The following SEMA4D variants were observed in gnomAD, a reference collection of about 807,000 sequenced individuals.
The protein encoded by SEMA4D is semaphorin-4D.
A neutral mutation model predicts 74.8 loss-of-function variants in SEMA4D; 22 were observed. The ratio of observed to expected loss-of-function variants is 0.29; its 90% CI spans 0.21 to 0.42. SEMA4D has a LOEUF of 0.42. Ranked by LOEUF, SEMA4D falls within the 10% of genes least tolerant of loss-of-function variation. SEMA4D has a pLI of 1.00. For synonymous variants in SEMA4D, 445 were observed against 463.7 expected, an observed-to-expected ratio of 0.96 and a Z score of 0.52; for missense variants, 937 against 1,118.4, an observed-to-expected ratio of 0.84 and a Z score of 2.31.
chr9:89,404,984 T>C (rs1241599193), intron 3 of SEMA4D, among the ~76,000 whole-genome samples: 61 of 57,246 alleles, frequency 1.1e-3, no homozygotes, highest in Middle Eastern at 0.014. Flanking sequence ...CGTCCCGTCC[T>C]CAGCCACTCA....
downstream of SEMA4D, among the ~76,000 whole-genome samples, chr9:89,376,102 C>T (rs896209118): frequency 1.3e-5 from 2 of 152,228 alleles, no homozygotes; most frequent in East Asian, 1.9e-4. Context: ...CCTCCCAAAG[C>T]AGGGGGATTA....
intron 16 of SEMA4D, chr9:89,367,860 C>CA (rs1833925071): frequency 6.6e-6 from 1 of 152,332 alleles, no homozygotes; most frequent in African/African-American, 2.4e-5. Context: ...CTCCAGCACT[C>CA]AGCCTGTCAC....
At chr9:89,472,474 C>CG (rs926944387) in intron 1 of SEMA4D, 3 of 262,322 alleles carry the variant, frequency 1.1e-5, no homozygotes, top group African/African-American at 2.3e-5. Context: ...AGAAGCACCC[C>CG]CCTTTTGTAA....
At chr9:89,431,753 C>T (rs1849320692) in intron 2 of SEMA4D, among the ~76,000 whole-genome samples, 1 of 152,198 alleles carries the variant, frequency 6.6e-6, no homozygotes, top group Non-Finnish European at 1.5e-5. Flanking sequence ...CCACCTTGGC[C>T]TCCCAAAGCC....
At chr9:89,369,901 G>A (rs2132392327) in intron 16 of SEMA4D, among the ~76,000 whole-genome samples, 2 of 151,002 alleles carry the variant, frequency 1.3e-5, no homozygotes, top group Admixed American at 1.3e-4. Flanking sequence ...TGTATGTGTG[G>A]ATGTGATTGG....
chr9:89,471,050 T>TAAAGGA (rs1475979239), intron 1 of SEMA4D, among the ~76,000 whole-genome samples: 3 of 152,194 alleles, frequency 2.0e-5, no homozygotes, highest in Non-Finnish European at 4.4e-5. Context: ...ATTTTAAAAG[T>TAAAGGA]AAAGGAAAAG....
At chr9:89,464,597 G>A (rs1816727744) in intron 1 of SEMA4D, among the ~76,000 whole-genome samples, 1 of 152,222 alleles carries the variant, frequency 6.6e-6, no homozygotes, top group African/African-American at 2.4e-5. Flanking sequence ...GAACAAAGAA[G>A]AGGACAGGGA....
intron 4 of SEMA4D, among the ~76,000 whole-genome samples, chr9:89,401,865 T>C (rs1842281988): frequency 6.6e-6 from 1 of 150,644 alleles, no homozygotes; most frequent in South Asian, 2.1e-4. Context: ...GAAGGAGAGG[T>C]AGAATCAGAA....
chr9:89,494,109 G>A (rs62551182), intron 1 of SEMA4D, among the ~76,000 whole-genome samples: 26,103 of 152,162 alleles, frequency 0.17, 2,962 homozygotes, highest in Non-Finnish European at 0.25. Flanking sequence ...TTATTAAGAC[G>A]TGTAGAAACA....
intron 4 of SEMA4D, among the ~76,000 whole-genome samples, chr9:89,401,224 T>A (rs1842155214): frequency 6.6e-6 from 1 of 151,594 alleles, no homozygotes; most frequent in Admixed American, 6.6e-5. Flanking sequence ...ACCTGGCTAT[T>A]TTTTGCAGTT....
At position 89,404,260 on chromosome 9, in the gene SEMA4D, C is replaced by T. The variant is rs192590422; in HGVS notation, c.106+1091G>A. Among the ~76,000 whole-genome samples, 18 of 152,366 alleles carry T rather than the reference C, an allele frequency of 1.2e-4. No individual in the cohort carries two copies. The East Asian group carries it at 1.5e-3, about 13-fold the overall frequency. ...ATGATGCCTCACTGTTCTTCTCAGG[C>T]GCCTGGAGCAGACGCTCAGTGGGGC... On this transcript the variant is annotated intron_variant, in intron 3 of 15. Transcript: ENST00000422704.
chr9:89,431,715 T>C (rs4877089), intron 2 of SEMA4D, among the ~76,000 whole-genome samples: 148,839 of 152,118 alleles, frequency 0.98, 72,924 homozygotes, highest in Non-Finnish European at 1. Context: ...CCAGGCTGGC[T>C]TTGAATTCCT....
intron 2 of SEMA4D, among the ~76,000 whole-genome samples, chr9:89,428,410 A>G (rs1848552327): frequency 6.6e-6 from 1 of 152,238 alleles, no homozygotes; most frequent in South Asian, 2.1e-4. Flanking sequence ...GCCCAGTGCC[A>G]TGCCCCAGCC....
In SEMA4D at chr9:89,388,573, A is replaced by T. The variant is rs1036583980; in HGVS notation, c.1107+63T>A. 2.6e-6 allele frequency: 4 copies of T among 1,553,646 alleles called. No homozygotes were observed. The African/African-American group carries it at 5.5e-5, about 21-fold the overall frequency. On this transcript the variant is annotated intron_variant, in intron 11 of 15. Transcript: ENST00000422704. Reference sequence around the variant, plus strand: ...CCCATGAGCAGGCCCCAGTGCCTGTACTGGATTCCATGCCCTGGGCCTTGA... The same window carrying T: ...CCCATGAGCAGGCCCCAGTGCCTGTTCTGGATTCCATGCCCTGGGCCTTGA...
intron 2 of SEMA4D, among the ~76,000 whole-genome samples, chr9:89,415,017 C>T (rs982105784): frequency 1.3e-5 from 2 of 152,200 alleles, no homozygotes; most frequent in African/African-American, 2.4e-5. Context: ...GCAGGACAAG[C>T]GCTATGAGGA....
intron 1 of SEMA4D, among the ~76,000 whole-genome samples, chr9:89,477,189 C>T (rs1181712489): frequency 3.9e-5 from 6 of 152,232 alleles, no homozygotes; most frequent in Non-Finnish European, 8.8e-5. Context: ...ATTCTGGAAC[C>T]TATGAGCACA....
At chr9:89,391,161 C>T in intron 9 of SEMA4D, 103 bp downstream of exon 9, 4 of 1,159,758 alleles carry the variant, frequency 3.4e-6, no homozygotes, top group Admixed American at 1.9e-5. Flanking sequence ...GAATAAAGTG[C>T]TAGGGAAAGT....
chr9:89,448,478 G>C (rs1366102580), intron 2 of SEMA4D, among the ~76,000 whole-genome samples: 1 of 152,208 alleles, frequency 6.6e-6, no homozygotes, highest in Non-Finnish European at 1.5e-5. Context: ...GGCGATGTGG[G>C]ATAGAGACAG....
intron 1 of SEMA4D, among the ~76,000 whole-genome samples, chr9:89,491,899 G>T (rs574970341): frequency 1.6e-4 from 25 of 152,198 alleles, no homozygotes; most frequent in Admixed American, 7.8e-4. Flanking sequence ...AGCACACACC[G>T]AGAGTCAACA....
Sources: gnomAD v4.1 joint callset for allele counts (sites outside exome capture counted in the v4.1 genomes callset) on GRCh38, gnomAD v4.1.1 for gene constraint, MANE v1.5 for transcripts, NCBI Gene and HGNC (gene_info 2026-07-23, HGNC 2026-07-21) for gene names.